The following KHDRBS2 variants were observed in gnomAD, a reference collection of about 807,000 sequenced individuals.
KHDRBS2 encodes KH RNA binding domain containing, signal transduction associated 2.
In KHDRBS2, 26 loss-of-function variants were observed where a neutral mutation model predicts 44.3. That is an observed-to-expected ratio of 0.59 (90% confidence interval 0.43 to 0.81). The LOEUF (loss-of-function observed/expected upper bound fraction) is 0.81, where lower values mean the gene tolerates loss of function less well. Among genes scored for constraint, KHDRBS2 ranks in the 40% least tolerant of loss-of-function variants. The pLI is 0.00. For missense variants in KHDRBS2, 476 were observed against 433.1 expected (o/e 1.10, Z -0.88); for synonymous variants, 194 against 151.1 (o/e 1.28, Z -2.08).
chr6:61,568,938 A>G, the KHDRBS2 span, among the ~76,000 whole-genome samples: 1 of 147,188 alleles, frequency 6.8e-6, no homozygotes, highest in Non-Finnish European at 1.5e-5. Flanking sequence ...AGAAAATGGG[A>G]ACTACTGCAG....
rs1394644589 is a variant in KHDRBS2 at position 62,177,392 on chromosome 6, A to G, written c.92-80T>C. 14 of 1,061,560 alleles carry G rather than the reference A, an allele frequency of 1.3e-5. 1 individual carries two copies. Among genetic ancestry groups the G allele is most frequent in the South Asian group, 1.3e-4 (8 of 62,432 alleles). 65.8% of individuals were successfully genotyped at this position (1,061,560 alleles called of 1,614,324 possible). A position where few individuals can be genotyped will look rare whatever the true frequency, so the allele number is the denominator to read the frequency against. ...AATATGCTGAAAAATGTTATCATAA[A>G]TAATATTCATATTACTCCTCTTCTC... is the stretch of plus-strand genomic sequence containing the variant. On this transcript the variant is annotated intron_variant, in intron 1 of 8. Coordinates refer to ENST00000281156, the MANE Select transcript of KHDRBS2 (RefSeq NM_152688.4).
rs528139818 is a variant in KHDRBS2 at position 62,040,517 on chromosome 6, G to C, written c.336+7361C>G. 7.9e-5 allele frequency among the ~76,000 whole-genome samples: 12 copies of C among 152,018 alleles called. No individual in the cohort carries two copies. In the South Asian group the frequency reaches 1.0e-3, roughly 13 times the overall value. On this transcript the variant is annotated intron_variant, in intron 3 of 8. Coordinates refer to ENST00000281156, the MANE Select transcript of KHDRBS2 (RefSeq NM_152688.4). Reference sequence around the variant, plus strand: ...GCATCTCTGCTCCAGGATTTTTTGGGCCATAGATAGGAAGACTTGAGTAGC... The same window carrying C: ...GCATCTCTGCTCCAGGATTTTTTGGCCCATAGATAGGAAGACTTGAGTAGC...
At chr6:61,579,401 T>C in the KHDRBS2 span, among the ~76,000 whole-genome samples, 1 of 152,182 alleles carries the variant, frequency 6.6e-6, no homozygotes, top group Non-Finnish European at 1.5e-5. Flanking sequence ...CTTAGAAAGG[T>C]TGCCACAGCC....
Position 62,285,904 on chromosome 6 carries a change from A to T in KHDRBS2, c.45T>A (p.Asp15Glu), listed in dbSNP as rs1313241072. 5.0e-6 allele frequency: 8 copies of T among 1,613,456 alleles called. No homozygotes were observed. Among genetic ancestry groups the T allele is most frequent in the Non-Finnish European group, 6.8e-6 (8 of 1,179,802 alleles). The change falls in exon 1 of 9, where the codon GAT (aspartate) becomes GAA (glutamate). Residue 15 changes from aspartate to glutamate, a missense_variant. By Grantham distance (45) the Asp-to-Glu change is conservative. Coordinates refer to ENST00000281156, the MANE Select transcript of KHDRBS2 (RefSeq NM_152688.4). ...CATGCACAAAAGATGGATCCAGGCT[A>T]TCTTTCTCTGCCATCAGCTCAGGCA... ...KYLPELMAEK[D>E]SLDPSFVHAS...
intron 4 of KHDRBS2, among the ~76,000 whole-genome samples, chr6:61,959,900 G>C (rs1768257108): frequency 6.6e-6 from 1 of 152,070 alleles, no homozygotes; most frequent in Admixed American, 6.6e-5. Flanking sequence ...CTAAATTCTA[G>C]CTAGGTATAT....
At chr6:62,107,939 T>C (rs921056592) in intron 2 of KHDRBS2, among the ~76,000 whole-genome samples, 22 of 151,930 alleles carry the variant, frequency 1.4e-4, no homozygotes, top group African/African-American at 4.1e-4. Context: ...ATACAAAAAT[T>C]AATTCAAGAT....
intron 4 of KHDRBS2, among the ~76,000 whole-genome samples, chr6:61,971,789 G>T (rs573110784): frequency 1.3e-5 from 2 of 152,086 alleles, no homozygotes; most frequent in Admixed American, 1.3e-4. Context: ...CTCTATTGTT[G>T]CCACCATCCT....
intron 1 of KHDRBS2, among the ~76,000 whole-genome samples, chr6:62,256,097 T>G (rs946159922): frequency 1.3e-5 from 2 of 151,528 alleles, no homozygotes; most frequent in African/African-American, 4.9e-5. Context: ...ATCACACCAC[T>G]GCACTCCAAC....
intron 3 of KHDRBS2, among the ~76,000 whole-genome samples, chr6:62,016,725 T>C (rs1781282465): frequency 6.6e-6 from 1 of 151,712 alleles, no homozygotes; most frequent in African/African-American, 2.4e-5. Context: ...TAATGATCAA[T>C]TAGCAATGTG....
At chr6:61,970,133 T>C (rs1771012182) in intron 4 of KHDRBS2, among the ~76,000 whole-genome samples, 1 of 152,022 alleles carries the variant, frequency 6.6e-6, no homozygotes, top group Non-Finnish European at 1.5e-5. Context: ...TCTCTATATA[T>C]GTGTGTATCT....
intron 4 of KHDRBS2, among the ~76,000 whole-genome samples, chr6:61,948,453 T>C (rs1418196180): frequency 6.6e-6 from 1 of 151,974 alleles, no homozygotes; most frequent in Admixed American, 6.6e-5. Flanking sequence ...TTCTTTAAAT[T>C]ACAGCAATGA....
At chr6:62,227,729 A>T (rs1832149679) in intron 1 of KHDRBS2, among the ~76,000 whole-genome samples, 1 of 152,206 alleles carries the variant, frequency 6.6e-6, no homozygotes, top group Non-Finnish European at 1.5e-5. Context: ...AGTTTTTAAC[A>T]AGAAGCGATG....
In KHDRBS2 at chr6:61,979,139, A is replaced by G. The variant is rs1583926430; in HGVS notation, c.337-927T>C. On this transcript the variant is annotated intron_variant, in intron 3 of 8. Transcript: ENST00000281156. ...ATCTCTAATCAAAATCATTTTGTACATATTCACATGTTTCAGATTATGAAA... is the reference window on the plus strand; with the variant it reads ...ATCTCTAATCAAAATCATTTTGTACGTATTCACATGTTTCAGATTATGAAA... 2.6e-5 allele frequency among the ~76,000 whole-genome samples: 4 copies of G among 152,206 alleles called. No homozygotes were observed. The East Asian group carries it at 7.7e-4, about 29-fold the overall frequency.
intron 7 of KHDRBS2, among the ~76,000 whole-genome samples, chr6:61,708,390 G>A (rs558138561): frequency 6.6e-6 from 1 of 151,416 alleles, no homozygotes; most frequent in Non-Finnish European, 1.5e-5. Context: ...CTTTTTGCAT[G>A]TATATGTTTC....
intron 2 of KHDRBS2, among the ~76,000 whole-genome samples, chr6:62,063,553 G>C (rs1792641491): frequency 6.6e-6 from 1 of 151,556 alleles, no homozygotes; most frequent in African/African-American, 2.4e-5. Context: ...AATAGATGCA[G>C]AAAAAGCCTT....
At chr6:61,765,473 A>G (rs1779870952) in intron 6 of KHDRBS2, among the ~76,000 whole-genome samples, 1 of 152,082 alleles carries the variant, frequency 6.6e-6, no homozygotes, top group African/African-American at 2.4e-5. Flanking sequence ...AAAAATAAAT[A>G]AGTAAATAAG....
chr6:61,717,370 GTT>G (rs1357656532), intron 7 of KHDRBS2, among the ~76,000 whole-genome samples: 1 of 151,986 alleles, frequency 6.6e-6, no homozygotes, highest in African/African-American at 2.4e-5. Flanking sequence ...AAAAAACAGT[GTT>G]TATTGAGAGC....
At chr6:61,947,913 A>AAATAAT (rs56372678) in intron 4 of KHDRBS2, among the ~76,000 whole-genome samples, 18,395 of 142,858 alleles carry the variant, frequency 0.13, 1,302 homozygotes, top group Admixed American at 0.19. Flanking sequence ...CACACACACA[A>AAATAAT]AATAATAATA....
intron 6 of KHDRBS2, among the ~76,000 whole-genome samples, chr6:61,868,849 T>C (rs1396533042): frequency 6.6e-6 from 1 of 152,162 alleles, no homozygotes; most frequent in Non-Finnish European, 1.5e-5. Context: ...TGAGTTGCAG[T>C]CGCCTTTTCC....
Sources: allele counts gnomAD v4.1 joint callset (sites outside exome capture counted in the v4.1 genomes callset), GRCh38; gene constraint gnomAD v4.1.1; transcripts MANE v1.5; gene names NCBI Gene and HGNC (gene_info 2026-07-23, HGNC 2026-07-21).